Variants in PCDH7 observed in about 807,000 individuals in gnomAD.
The protein encoded by PCDH7 is protocadherin-7.
A neutral mutation model predicts 58.9 loss-of-function variants in PCDH7; 17 were observed. The observed-to-expected ratio is 0.29, with a 90% CI of 0.20 to 0.43. PCDH7 has a LOEUF of 0.43. Ranked by LOEUF, PCDH7 falls within the 20% of genes least tolerant of loss-of-function variation. The pLI is 1.00. For missense variants in PCDH7, 1,274 were observed against 1,441.0 expected (o/e 0.88, Z 1.88); for synonymous variants, 664 against 616.4 (o/e 1.08, Z -1.14).
intron 3 of PCDH7, among the ~76,000 whole-genome samples, chr4:31,045,034 C>T (rs570672287): frequency 2.6e-5 from 4 of 151,974 alleles, no homozygotes; most frequent in South Asian, 2.1e-4. Context: ...AGCAGATATA[C>T]GAATAACCAG....
intron 1 of PCDH7, among the ~76,000 whole-genome samples, chr4:30,912,747 C>T (rs1288151767): frequency 1.3e-5 from 2 of 152,058 alleles, no homozygotes; most frequent in Non-Finnish European, 2.9e-5. Flanking sequence ...TATCCTTTTG[C>T]CAATAAAATC....
At chr4:31,045,009 T>G (rs539407510) in intron 3 of PCDH7, among the ~76,000 whole-genome samples, 58 of 152,162 alleles carry the variant, frequency 3.8e-4, no homozygotes, top group Admixed American at 5.9e-4. Flanking sequence ...TTTATTTATA[T>G]TTCTTTTGTG....
intron 3 of PCDH7, among the ~76,000 whole-genome samples, chr4:31,009,966 A>C (rs1036945305): frequency 6.6e-6 from 1 of 152,062 alleles, no homozygotes; most frequent in African/African-American, 2.4e-5. Context: ...TGGCTTTGCC[A>C]TTTTTGAATT....
At chr4:30,919,387 A>T (rs1742894354) in intron 1 of PCDH7, among the ~76,000 whole-genome samples, 1 of 152,164 alleles carries the variant, frequency 6.6e-6, no homozygotes, top group African/African-American at 2.4e-5. Flanking sequence ...TAACATAGTA[A>T]ATTGTGGAGT....
chr4:30,921,645 C>A (rs888200823), intron 2 of PCDH7, among the ~76,000 whole-genome samples: 10 of 151,942 alleles, frequency 6.6e-5, no homozygotes, highest in African/African-American at 1.9e-4. Flanking sequence ...GGCATTTTGC[C>A]TTATGGCTAT....
At chr4:30,930,641 A>G (rs1744456613) in intron 2 of PCDH7, among the ~76,000 whole-genome samples, 1 of 152,204 alleles carries the variant, frequency 6.6e-6, no homozygotes, top group African/African-American at 2.4e-5. Flanking sequence ...TATATTAAAA[A>G]CAAAATCAGG....
At chr4:30,990,683 A>G (rs950859442) in intron 3 of PCDH7, among the ~76,000 whole-genome samples, 2 of 152,132 alleles carry the variant, frequency 1.3e-5, no homozygotes, top group Admixed American at 6.6e-5. Flanking sequence ...TGTGATTATG[A>G]AAATCATTAA....
chr4:30,969,548 T>C (rs538608099), intron 3 of PCDH7, among the ~76,000 whole-genome samples: 1 of 152,238 alleles, frequency 6.6e-6, no homozygotes, highest in East Asian at 1.9e-4. Flanking sequence ...TGTCCAAATA[T>C]AGAAGCCATC....
chr4:30,725,278 T>C (rs1714455413), intron 1 of PCDH7: 3 of 995,468 alleles, frequency 3.0e-6, no homozygotes, highest in South Asian at 9.4e-5. Context: ...ACCATTTGCA[T>C]TCTTTCTGTT....
intron 3 of PCDH7, among the ~76,000 whole-genome samples, chr4:30,955,024 C>T (rs1262431524): frequency 6.6e-6 from 1 of 152,052 alleles, no homozygotes; most frequent in Non-Finnish European, 1.5e-5. Flanking sequence ...TATTCCATTA[C>T]CTCTATGTCA....
chr4:31,136,928 C>T (rs1381926504), intron 3 of PCDH7, among the ~76,000 whole-genome samples: 2 of 151,962 alleles, frequency 1.3e-5, no homozygotes, highest in African/African-American at 4.8e-5. Flanking sequence ...TTTCTCAGCC[C>T]TATCATATAA....
At chr4:30,884,982 T>C (rs950090909) in intron 1 of PCDH7, 1 of 152,124 alleles carries the variant, frequency 6.6e-6, no homozygotes, top group Non-Finnish European at 1.5e-5. Context: ...CATGTAAGAA[T>C]AAAACGTAAA....
At chr4:31,054,991 C>G (rs1459800991) in intron 3 of PCDH7, among the ~76,000 whole-genome samples, 3 of 151,910 alleles carry the variant, frequency 2.0e-5, no homozygotes, top group Non-Finnish European at 4.4e-5. Flanking sequence ...GGCTTGCTTT[C>G]TTCTTCTTTT....
chr4:31,142,773 A>G (rs759101808), exon 4 of PCDH7: 2 of 1,367,316 alleles, frequency 1.5e-6, no homozygotes, highest in African/African-American at 1.5e-5. Flanking sequence ...AACCCTGAGG[A>G]TATTCCCCTT....
chr4:30,915,517 C>CTGT (rs927402829), intron 1 of PCDH7, among the ~76,000 whole-genome samples: 93 of 152,072 alleles, frequency 6.1e-4, no homozygotes, highest in East Asian at 2.9e-3. Context: ...ATTCTCACCT[C>CTGT]TGTTGTTGTT....
intron 3 of PCDH7, among the ~76,000 whole-genome samples, chr4:31,077,915 A>G (rs533384396): frequency 1.3e-5 from 2 of 152,276 alleles, no homozygotes; most frequent in Admixed American, 1.3e-4. Context: ...TTGAAGGAAG[A>G]ATTAAAATGA....
intron 2 of PCDH7, among the ~76,000 whole-genome samples, chr4:30,929,546 A>G (rs1442795345): frequency 6.6e-6 from 1 of 152,198 alleles, no homozygotes; most frequent in African/African-American, 2.4e-5. Context: ...AGTTTCAACT[A>G]CTAACATATG....
chr4:30,761,813 G>T (rs1720068341), intron 1 of PCDH7, among the ~76,000 whole-genome samples: 1 of 152,150 alleles, frequency 6.6e-6, no homozygotes, highest in Non-Finnish European at 1.5e-5. Context: ...ACAGTAATAT[G>T]AATTAGATAT....
chr4:31,039,220 A>T (rs977928124), intron 3 of PCDH7, among the ~76,000 whole-genome samples: 1 of 152,216 alleles, frequency 6.6e-6, no homozygotes, highest in African/African-American at 2.4e-5. Context: ...CTTTTGTGAC[A>T]GTGTTAGGAT....
Sources: allele counts gnomAD v4.1 joint callset (sites outside exome capture counted in the v4.1 genomes callset), GRCh38; gene constraint gnomAD v4.1.1; transcripts MANE v1.5; gene names NCBI Gene and HGNC (gene_info 2026-07-23, HGNC 2026-07-21).